Variants in GOLGA4 observed in about 807,000 individuals in gnomAD.
The protein encoded by GOLGA4 is golgin A4.
A neutral mutation model predicts 265.9 loss-of-function variants in GOLGA4; 169 were observed. The observed-to-expected ratio is 0.64, with a 90% CI of 0.56 to 0.72. The LOEUF is 0.72. Among genes scored for constraint, GOLGA4 ranks in the 30% least tolerant of loss-of-function variants. The probability of loss-of-function intolerance (pLI) is 0.00; values close to 1 mark genes in which losing one functional copy is unlikely to be tolerated. For synonymous variants in GOLGA4, 923 were observed against 855.8 expected, an observed-to-expected ratio of 1.08 and a Z score of -1.37; for missense variants, 2,482 against 2,483.4, an observed-to-expected ratio of 1.00 and a Z score of 0.01.
chr3:37,278,805 T>C (rs1286262930), intron 2 of GOLGA4, among the ~76,000 whole-genome samples: 4 of 151,194 alleles, frequency 2.6e-5, no homozygotes, highest in Non-Finnish European at 5.9e-5. Flanking sequence ...CTTCACTCAG[T>C]TTGTTTACTT....
At chr3:37,254,490 TTTAA>T (rs1578351878) in intron 2 of GOLGA4, among the ~76,000 whole-genome samples, 4 of 152,152 alleles carry the variant, frequency 2.6e-5, no homozygotes, top group South Asian at 4.1e-4. Flanking sequence ...TAAAGATTGT[TTTAA>T]TTAATTAAAA....
chr3:37,289,108 C>G (rs2150807106), intron 4 of GOLGA4, 127 bp from the exon 5 acceptor site: 1 of 588,506 alleles, frequency 1.7e-6, no homozygotes, highest in Non-Finnish European at 3.0e-6. Context: ...GGCTTGTCCT[C>G]TATCTTCAGG....
chr3:37,299,043 T>A (rs1201216627), intron 8 of GOLGA4, 23 bp downstream of exon 8: 7 of 1,547,940 alleles, frequency 4.5e-6, no homozygotes, highest in Non-Finnish European at 4.4e-6. Context: ...ATGAGTTTTG[T>A]TCTAATTTAA....
chr3:37,357,795 C>T (rs1403541388), intron 22 of GOLGA4, among the ~76,000 whole-genome samples: 1 of 152,188 alleles, frequency 6.6e-6, no homozygotes, highest in African/African-American at 2.4e-5. Flanking sequence ...TAGAACAAAA[C>T]ACAGGTATGA....
At chr3:37,285,369 G>A (rs753632633) in intron 3 of GOLGA4, among the ~76,000 whole-genome samples, 19 of 152,228 alleles carry the variant, frequency 1.2e-4, no homozygotes, top group Middle Eastern at 3.4e-3. Flanking sequence ...ATTAGGGTGT[G>A]CTAGAATGTT....
chr3:37,307,772 C>T (rs1468344116), intron 10 of GOLGA4, among the ~76,000 whole-genome samples: 2 of 152,124 alleles, frequency 1.3e-5, no homozygotes. Flanking sequence ...TTTATGTCTC[C>T]AACAATGTCA....
chr3:37,281,962 G>A lies in GOLGA4; in HGVS notation c.167G>A (p.Gly56Asp). The A allele has an allele frequency of 1.2e-6, 2 of 1,610,492 alleles. No homozygotes were observed. Among genetic ancestry groups the A allele is most frequent in the Non-Finnish European group, 1.7e-6 (2 of 1,177,510 alleles). The change falls in exon 3 of 24, where the codon GGT (glycine) becomes GAT (aspartate). Residue 56 changes from glycine to aspartate, a missense_variant. By Grantham distance (94) the Gly-to-Asp change is moderately conservative. Transcript: ENST00000361924. ...LDEGTPNRES[G>D]DTQSFAQKLQ... Reference sequence around the variant, plus strand: ...TCTGTTGGGTTTTGGTTGCAGTCAGGTGACACACAGTCTTTTGCACAGAAG... The same window carrying A: ...TCTGTTGGGTTTTGGTTGCAGTCAGATGACACACAGTCTTTTGCACAGAAG...
chr3:37,310,183 GAGT>G (rs772328229), intron 10 of GOLGA4, among the ~76,000 whole-genome samples: 6 of 152,268 alleles, frequency 3.9e-5, no homozygotes, highest in Non-Finnish European at 7.4e-5. Flanking sequence ...CCTACACTGG[GAGT>G]AGAAGTGGGT....
At chr3:37,334,013 C>T (rs1269718385) in intron 16 of GOLGA4, among the ~76,000 whole-genome samples, 1 of 152,154 alleles carries the variant, frequency 6.6e-6, no homozygotes, top group Non-Finnish European at 1.5e-5. Context: ...CCTGTTAAGT[C>T]TCTTGCTCAG....
rs2097054795 is a variant in GOLGA4, at chr3:37,345,944, C to T, written c.6473-1249C>T. On this transcript the variant is annotated intron_variant, in intron 20 of 23. Transcript: ENST00000361924. Reference sequence around the variant, plus strand: ...CCTGGGCGACAGAGCGAGACTCCATCTCAAAAAAAAAAAAAAGTAATCTGC... The same window carrying T: ...CCTGGGCGACAGAGCGAGACTCCATTTCAAAAAAAAAAAAAAGTAATCTGC... 3.4e-5 allele frequency among the ~76,000 whole-genome samples: 5 copies of T among 147,596 alleles called. No homozygotes were observed. In the South Asian group the frequency reaches 6.4e-4, roughly 19 times the overall value.
chr3:37,267,008 C>A, intron 2 of GOLGA4: 1 of 614,548 alleles, frequency 1.6e-6, no homozygotes, highest in Non-Finnish European at 2.6e-6. Flanking sequence ...ATTGTAGAAG[C>A]AAATCTCATG....
chr3:37,307,890 G>A (rs1181324792), intron 10 of GOLGA4, among the ~76,000 whole-genome samples: 2 of 152,116 alleles, frequency 1.3e-5, no homozygotes, highest in African/African-American at 4.8e-5. Flanking sequence ...TTCAACATTA[G>A]CCTGATGTTT....
At chr3:37,299,527 T>TA (rs1417824760) in intron 9 of GOLGA4, among the ~76,000 whole-genome samples, 156 bp downstream of exon 9, 2 of 152,216 alleles carry the variant, frequency 1.3e-5, no homozygotes, top group African/African-American at 4.8e-5. Flanking sequence ...TTGTAACTAC[T>TA]AGCATTAGTT....
chr3:37,311,339 G>A (rs958015029), intron 10 of GOLGA4, among the ~76,000 whole-genome samples: 10 of 152,150 alleles, frequency 6.6e-5, no homozygotes, highest in Non-Finnish European at 1.2e-4. Context: ...AGCACGATGG[G>A]GAGGCAGAAA....
At chr3:37,365,363 A>T (rs1252367471) in intron 23 of GOLGA4, among the ~76,000 whole-genome samples, 1 of 151,940 alleles carries the variant, frequency 6.6e-6, no homozygotes, top group African/African-American at 2.4e-5. Flanking sequence ...CCGCCTCCTG[A>T]GTTCAAGTGA....
At chr3:37,332,579 A>T (rs758891447) in intron 16 of GOLGA4, among the ~76,000 whole-genome samples, 3 of 152,146 alleles carry the variant, frequency 2.0e-5, no homozygotes, top group Non-Finnish European at 2.9e-5. Context: ...TTTGAATCAA[A>T]TGTATTCACA....
intron 21 of GOLGA4, among the ~76,000 whole-genome samples, chr3:37,354,025 T>C (rs542141494): frequency 1.3e-5 from 2 of 152,204 alleles, no homozygotes; most frequent in Non-Finnish European, 2.9e-5. Flanking sequence ...GAAATAAGTA[T>C]TGGAAATATG....
intron 21 of GOLGA4, among the ~76,000 whole-genome samples, chr3:37,352,389 C>T (rs2097077271): frequency 1.3e-5 from 2 of 151,994 alleles, no homozygotes; most frequent in Non-Finnish European, 2.9e-5. Flanking sequence ...TGAGAATTCA[C>T]TCACTATCAC....
chr3:37,316,360 G>A (rs942912848), intron 11 of GOLGA4, among the ~76,000 whole-genome samples: 2 of 152,070 alleles, frequency 1.3e-5, no homozygotes, highest in Non-Finnish European at 2.9e-5. Context: ...AATAGATGAG[G>A]CTTGGATTTC....
Sources: gnomAD v4.1 joint callset for allele counts (sites outside exome capture counted in the v4.1 genomes callset) on GRCh38, gnomAD v4.1.1 for gene constraint, MANE v1.5 for transcripts, NCBI Gene and HGNC (gene_info 2026-07-23, HGNC 2026-07-21) for gene names.